Variants in CNOT8 observed in about 807,000 individuals in gnomAD.
CNOT8 encodes the protein CCR4-NOT transcription complex subunit 8.
Under a neutral mutation model 34.6 loss-of-function variants are expected in CNOT8, and 18 were observed. The ratio of observed to expected loss-of-function variants is 0.52; its 90% CI spans 0.36 to 0.77. The LOEUF (loss-of-function observed/expected upper bound fraction) is 0.77, where lower values mean the gene tolerates loss of function less well. Among genes scored for constraint, CNOT8 ranks in the 30% least tolerant of loss-of-function variants. The probability of loss-of-function intolerance (pLI) is 0.00; values close to 1 mark genes in which losing one functional copy is unlikely to be tolerated. For synonymous variants in CNOT8, 101 were observed against 118.8 expected (o/e 0.85, Z 0.98); for missense variants, 189 against 347.9 (o/e 0.54, Z 3.63).
chr5:154,863,089 A>G (rs1167152196), intron 1 of CNOT8, 118 bp from the exon 2 acceptor site: 2 of 522,826 alleles, frequency 3.8e-6, no homozygotes, highest in Non-Finnish European at 6.9e-6. Flanking sequence ...GAGAATAAAT[A>G]TAATCTTAAT....
At chr5:154,858,469 G>C (rs1431107064), upstream of CNOT8, 1 of 152,174 alleles carries the variant, frequency 6.6e-6, no homozygotes, top group Non-Finnish European at 1.5e-5. Context: ...CGCGCAAAGG[G>C]GGAGGAGCGG....
Position 154,875,481 on chromosome 5 carries a change from G to A in CNOT8, c.*42G>A, listed in dbSNP as rs776313469. 7.5e-6 allele frequency: 12 copies of A among 1,604,102 alleles called. No homozygotes were observed. In the East Asian group the frequency reaches 2.7e-4, roughly 36 times the overall value. On this transcript the variant is annotated 3_prime_UTR_variant, in exon 7 of 7. Transcript: ENST00000285896. Reference sequence around the variant, plus strand: ...AGGGTGGGCCTGATCCCAGAGTGGTGCTTACTGTGCTGACTGTGTACTTAT... The same window carrying A: ...AGGGTGGGCCTGATCCCAGAGTGGTACTTACTGTGCTGACTGTGTACTTAT...
At chr5:154,871,631 A>ACAT in intron 4 of CNOT8, 99 bp from the exon 5 acceptor site, 1 of 1,119,410 alleles carries the variant, frequency 8.9e-7, no homozygotes, top group Non-Finnish European at 1.3e-6. Context: ...AAAGTTCCTA[A>ACAT]CATGAAGTAG....
At chr5:154,864,207 T>A (rs554346719) in intron 2 of CNOT8, among the ~76,000 whole-genome samples, 1 of 152,182 alleles carries the variant, frequency 6.6e-6, no homozygotes, top group South Asian at 2.1e-4. Flanking sequence ...ACGCCTGTAA[T>A]CCCAGCACTT....
chr5:154,863,258 G>A lies in CNOT8; in HGVS notation c.-21G>A, dbSNP rs758157828. On this transcript the variant is annotated 5_prime_UTR_variant, in exon 2 of 7. Coordinates refer to ENST00000285896, the MANE Select transcript of CNOT8 (RefSeq NM_001301073.2). ...ACTGTAAAACTAGTTAGCTGAAGAC[G>A]ACTTCTCAGGTTTCTTCAGGATGCC... 16 of 1,571,710 alleles carry A rather than the reference G, an allele frequency of 1.0e-5. No homozygotes were observed. The highest frequency in any genetic ancestry group is 5.4e-5 in the African/African-American group (4 of 74,172).
chr5:154,865,311 T>TAA lies in CNOT8; in HGVS notation c.238_239insAA (p.Thr80LysfsTer35). Reference sequence around the variant, plus strand: ...TTTTAAAAATTATCCAGCTGGGCCTTACATTCACAAATGAGAAGGGAGAGT... The same window carrying TAA: ...TTTTAAAAATTATCCAGCTGGGCCTTAAACATTCACAAATGAGAAGGGAGAGT... On this transcript the variant is annotated frameshift_variant, in exon 3 of 7. Transcript: ENST00000285896. LOFTEE classifies it high-confidence loss of function. 6.2e-7 allele frequency: 1 copy of TAA among 1,613,390 alleles called. No homozygotes were observed. The highest frequency in any genetic ancestry group is 8.5e-7 in the Non-Finnish European group (1 of 1,179,844).
chr5:154,863,412 T>C lies in CNOT8; in HGVS notation c.117+17T>C, dbSNP rs749682262. Reference sequence around the variant, plus strand: ...ATTGCCATGGTAAGGAGCTCTACTCTGACTCACCTTCTTTGTCACTTTTAA... The same window carrying C: ...ATTGCCATGGTAAGGAGCTCTACTCCGACTCACCTTCTTTGTCACTTTTAA... On this transcript the variant is annotated intron_variant, in intron 2 of 6. Transcript: ENST00000285896. 1 of 1,546,906 alleles carries C rather than the reference T, an allele frequency of 6.5e-7. No individual in the cohort carries two copies. The highest frequency in any genetic ancestry group is 8.9e-7 in the Non-Finnish European group (1 of 1,118,854).
chr5:154,862,692 T>G (rs1761467117), intron 1 of CNOT8, among the ~76,000 whole-genome samples: 1 of 152,162 alleles, frequency 6.6e-6, no homozygotes, highest in Admixed American at 6.5e-5. Flanking sequence ...TTTCCTTTTG[T>G]GGGATGGGGG....
Position 154,875,673 on chromosome 5 carries a change from C to T in CNOT8, c.*234C>T, listed in dbSNP as rs1762877093. The T allele has an allele frequency of 2.3e-6, 1 of 427,468 alleles. No homozygotes were observed. 26.5% of individuals were successfully genotyped at this position (427,468 alleles called of 1,614,324 possible). A position where few individuals can be genotyped will look rare whatever the true frequency, so the allele number is the denominator to read the frequency against. ...GTCTTCCCCATTCCTCATACTCGAG[C>T]CTCTCCTCTCTGGTTGCCTCCTGCC... is the stretch of plus-strand genomic sequence containing the variant. On this transcript the variant is annotated 3_prime_UTR_variant, in exon 7 of 7. Coordinates refer to ENST00000285896, the MANE Select transcript of CNOT8 (RefSeq NM_001301073.2).
chr5:154,865,442 G>T, intron 3 of CNOT8, 57 bp downstream of exon 3: 1 of 1,320,872 alleles, frequency 7.6e-7, no homozygotes, highest in South Asian at 1.5e-5. Context: ...CTGAATCCAG[G>T]TGGGTGTTGG....
intron 1 of CNOT8, chr5:154,859,962 A>G (rs1317504006): frequency 1.3e-5 from 2 of 152,256 alleles, no homozygotes; most frequent in African/African-American, 4.8e-5. Context: ...CCCGTGAGGC[A>G]AACATTGTAT....
At chr5:154,866,245 T>A (rs569626782) in intron 3 of CNOT8, among the ~76,000 whole-genome samples, 1 of 152,312 alleles carries the variant, frequency 6.6e-6, no homozygotes, top group East Asian at 1.9e-4. Flanking sequence ...TACTGCAGCC[T>A]CAATCTCCCA....
In CNOT8 at chr5:154,870,913, C is replaced by T. The variant is rs905224351; in HGVS notation, c.473+91C>T. 7.1e-6 allele frequency: 8 copies of T among 1,126,086 alleles called. No homozygotes were observed. The African/African-American group carries it at 1.3e-4, about 18-fold the overall frequency. 69.8% of individuals were successfully genotyped at this position (1,126,086 alleles called of 1,614,324 possible). On this transcript the variant is annotated intron_variant, in intron 4 of 6. Coordinates refer to ENST00000285896, the MANE Select transcript of CNOT8 (RefSeq NM_001301073.2). ...TTAGTCATTTTTGCAGTCCTAGTGA[C>T]TGTTCTGTTCAGCAGCAGCAGCCAG...
In CNOT8 at chr5:154,858,656, A is replaced by G. The variant is rs1761024516; in HGVS notation, c.-185A>G. ...GGTTCTAGGAGCAGATCCGGGGTAG[A>G]GGGAAAAGAGCTCCGGGCCAGGGGC... is the stretch of plus-strand genomic sequence containing the variant. On this transcript the variant is annotated 5_prime_UTR_variant, in exon 1 of 7. Transcript: ENST00000285896. The G allele has an allele frequency of 1.3e-5, 2 of 152,004 alleles. No individual in the cohort carries two copies. The highest frequency in any genetic ancestry group is 1.3e-4 in the Admixed American group (2 of 15,276). 9.4% of individuals were successfully genotyped at this position (152,004 alleles called of 1,614,324 possible). A position where few individuals can be genotyped will look rare whatever the true frequency, so the allele number is the denominator to read the frequency against.
intron 2 of CNOT8, among the ~76,000 whole-genome samples, 163 bp from the exon 3 acceptor site, chr5:154,865,029 C>G (rs1045482794): frequency 6.6e-6 from 1 of 152,116 alleles, no homozygotes; most frequent in Non-Finnish European, 1.5e-5. Context: ...GTGACAGAGA[C>G]AGACCAACCC....
intron 3 of CNOT8, among the ~76,000 whole-genome samples, chr5:154,868,263 C>A (rs957170825): frequency 1.1e-4 from 14 of 127,256 alleles, no homozygotes; most frequent in Non-Finnish European, 1.8e-4. Flanking sequence ...TTTTTCTTTT[C>A]TTTTCTTTTT....
At chr5:154,870,633 G>A (rs1762403718) in intron 3 of CNOT8, 28 bp from the exon 4 acceptor site, 2 of 1,589,796 alleles carry the variant, frequency 1.3e-6, no homozygotes, top group African/African-American at 1.3e-5. Flanking sequence ...TTATTCACCA[G>A]TTAATAAATA....
chr5:154,863,347 G>T lies in CNOT8; in HGVS notation c.69G>T (p.Glu23Asp). 1 of 1,614,086 alleles carries T rather than the reference G, an allele frequency of 6.2e-7. No individual in the cohort carries two copies. Among genetic ancestry groups the T allele is most frequent in the Non-Finnish European group, 8.5e-7 (1 of 1,179,950 alleles). The change falls in exon 2 of 7, where the codon GAG becomes GAT. Residue 23 changes from glutamate (E) to aspartate (D), a missense_variant. This residue lies in a region of CNOT8 where 160 missense variants were observed against 321.9 expected (regional missense o/e 0.50). Coordinates refer to ENST00000285896, the MANE Select transcript of CNOT8 (RefSeq NM_001301073.2). Reference protein sequence around the residue: ...CEVWASNLEEEMRKIREIVLS... With the variant: ...CEVWASNLEEDMRKIREIVLS... The stretch of plus-strand genomic sequence containing the variant: ...TGTGGGCCAGTAATCTAGAAGAAGA[G>T]ATGAGGAAGATCCGAGAAATCGTGC...
chr5:154,871,812 A>G lies in CNOT8; in HGVS notation c.556A>G (p.Asn186Asp), dbSNP rs1210317174. ...EEEHEFFHIL[N>D]LFFPSIYDVK... ...GGAACATGAATTCTTTCATATTCTGAACCTTTTCTTCCCATCCATTTATGA... is the reference window on the plus strand; with the variant it reads ...GGAACATGAATTCTTTCATATTCTGGACCTTTTCTTCCCATCCATTTATGA... Residue 186 changes from asparagine to aspartate, a missense_variant, in exon 5 of 7, where the codon AAC becomes GAC. Physicochemically the swap from Asn to Asp is conservative, Grantham distance 23. This residue lies in a region of CNOT8 where 160 missense variants were observed against 321.9 expected (regional missense o/e 0.50). Coordinates refer to ENST00000285896, the MANE Select transcript of CNOT8 (RefSeq NM_001301073.2). The G allele has an allele frequency of 6.2e-7, 1 of 1,613,834 alleles. No individual in the cohort carries two copies. Among genetic ancestry groups the G allele is most frequent in the African/African-American group, 1.3e-5 (1 of 74,900 alleles).
Sources: gnomAD v4.1 joint callset for allele counts (sites outside exome capture counted in the v4.1 genomes callset) on GRCh38, gnomAD v4.1.1 for gene constraint, gnomAD v4.1.1 regional missense constraint, MANE v1.5 for transcripts, NCBI Gene and HGNC (gene_info 2026-07-23, HGNC 2026-07-21) for gene names.